The following AP1M1 variants were observed in gnomAD, a reference collection of about 807,000 sequenced individuals.
The protein encoded by AP1M1 is adaptor related protein complex 1 subunit mu 1.
A neutral mutation model predicts 57.1 loss-of-function variants in AP1M1; 18 were observed. That is an observed-to-expected ratio of 0.32 (90% confidence interval 0.22 to 0.47). The LOEUF (loss-of-function observed/expected upper bound fraction) is 0.47. Among genes scored for constraint, AP1M1 ranks in the 20% least tolerant of loss-of-function variants. The pLI, the probability that AP1M1 is intolerant of heterozygous loss-of-function variation, is 1.00. For missense variants in AP1M1, 362 were observed against 593.5 expected, an observed-to-expected ratio of 0.61 and a Z score of 4.05; for synonymous variants, 241 against 237.9, an observed-to-expected ratio of 1.01 and a Z score of -0.12.
intron 9 of AP1M1, among the ~76,000 whole-genome samples, chr19:16,230,203 C>T (rs999766848): frequency 1.3e-5 from 2 of 152,290 alleles, no homozygotes; most frequent in Admixed American, 6.5e-5. Context: ...CCAGATACTG[C>T]ATTTTTATTT....
At chr19:16,234,379 GA>G in intron 11 of AP1M1, 33 bp from the exon 12 acceptor site, 1 of 1,613,972 alleles carries the variant, frequency 6.2e-7, no homozygotes, top group Non-Finnish European at 8.5e-7. Flanking sequence ...GGAGGGTGCA[GA>G]GCCCAGCATG....
chr19:16,226,337 G>T, intron 5 of AP1M1, 84 bp from the exon 6 acceptor site: 5 of 1,468,976 alleles, frequency 3.4e-6, no homozygotes, highest in Non-Finnish European at 4.5e-6. Context: ...TGAGAGTGGG[G>T]TGGCCAGAGG....
Position 16,239,335 on chromosome 19 carries a change from G to T in AP1M1, c.*4900G>T, listed in dbSNP as rs1424194638. ...ACCTGTAGTCCCAACTACTTGGGAG[G>T]CTGAGGCTAGAGGATTACTTGAGCC... On this transcript the variant is annotated 3_prime_UTR_variant, in exon 12 of 12. Coordinates refer to ENST00000291439, the MANE Select transcript of AP1M1 (RefSeq NM_032493.4). 1 of 144,894 alleles carries T rather than the reference G, an allele frequency of 6.9e-6. No individual in the cohort carries two copies. The highest frequency in any genetic ancestry group is 7.1e-5 in the Admixed American group (1 of 14,094). The allele number at this position is 144,894 out of a possible 1,614,324, so 9.0% of individuals were successfully genotyped here. A position where few individuals can be genotyped will look rare whatever the true frequency, so the allele number is the denominator to read the frequency against.
At chr19:16,223,397 C>G (rs915805623) in intron 5 of AP1M1, among the ~76,000 whole-genome samples, 1 of 152,234 alleles carries the variant, frequency 6.6e-6, no homozygotes, top group Non-Finnish European at 1.5e-5. Context: ...CTTTCCTGAG[C>G]TTCTGGCTCT....
At position 16,228,065 on chromosome 19, in the gene AP1M1, TG is replaced by T; in HGVS notation, c.817-70del. 1 of 1,496,658 alleles carries T rather than the reference TG, an allele frequency of 6.7e-7. No homozygotes were observed. The highest frequency in any genetic ancestry group is 1.7e-5 in the Admixed American group (1 of 58,652). 92.7% of individuals were successfully genotyped at this position (1,496,658 alleles called of 1,614,324 possible). A position where few individuals can be genotyped will look rare whatever the true frequency, so the allele number is the denominator to read the frequency against. ...GCAGATGGTCCCTTGCCCTGGGCCTTGGTTTCCCCTCTGAAATGGGCCTTTG... is the reference window on the plus strand; with the variant it reads ...GCAGATGGTCCCTTGCCCTGGGCCTTGTTTCCCCTCTGAAATGGGCCTTTG... On this transcript the variant is annotated intron_variant, in intron 7 of 11. Coordinates refer to ENST00000291439, the MANE Select transcript of AP1M1 (RefSeq NM_032493.4). The surrounding 1 kb of genome is among the most constrained non-coding windows in gnomAD (Gnocchi z 5.0).
rs1485048080 is a variant in AP1M1 at position 16,228,696 on chromosome 19, G to A, written c.889-74G>A. ...GAGGATCCCCCGGGCCAGGCTGAGGGGCATGTGTCCTGGAGAGGCTGGCCA... is the reference window on the plus strand; with the variant it reads ...GAGGATCCCCCGGGCCAGGCTGAGGAGCATGTGTCCTGGAGAGGCTGGCCA... On this transcript the variant is annotated intron_variant, in intron 8 of 11. Coordinates refer to ENST00000291439, the MANE Select transcript of AP1M1 (RefSeq NM_032493.4). This position sits in a 1 kb window ranked among gnomAD's most constrained non-coding sequence, Gnocchi z 5.0. 1.9e-6 allele frequency: 3 copies of A among 1,566,398 alleles called. No individual in the cohort carries two copies. The highest frequency in any genetic ancestry group is 2.3e-5 in the East Asian group (1 of 44,178).
rs2091455835 is a variant in AP1M1, at chr19:16,203,219, C to A, written c.43-240C>A. 5.4e-6 allele frequency: 3 copies of A among 552,496 alleles called. No homozygotes were observed. Among genetic ancestry groups the A allele is most frequent in the Admixed American group, 6.2e-5 (2 of 32,248 alleles). The allele number at this position is 552,496 out of a possible 1,614,324, so 34.2% of individuals were successfully genotyped here. ...ACCTTTGCTGCAGAGTTCGCCTCTACCCTCACCCTGCGAAGAACTGCAGTG... is the reference window on the plus strand; with the variant it reads ...ACCTTTGCTGCAGAGTTCGCCTCTAACCTCACCCTGCGAAGAACTGCAGTG... On this transcript the variant is annotated intron_variant, in intron 1 of 11. Coordinates refer to ENST00000291439, the MANE Select transcript of AP1M1 (RefSeq NM_032493.4). This position sits in a 1 kb window ranked among gnomAD's most constrained non-coding sequence, Gnocchi z 4.6.
At position 16,207,908 on chromosome 19, in the gene AP1M1, C is replaced by G; in HGVS notation, c.268-111C>G. ...CACACCACCGAGCCTGGGAAGTAGG[C>G]TGTTGGTAGGACTTAGCGGGCAAAT... On this transcript the variant is annotated intron_variant, in intron 3 of 11. Coordinates refer to ENST00000291439, the MANE Select transcript of AP1M1 (RefSeq NM_032493.4). This position sits in a 1 kb window ranked among gnomAD's most constrained non-coding sequence, Gnocchi z 4.2. 1 of 1,375,436 alleles carries G rather than the reference C, an allele frequency of 7.3e-7. No homozygotes were observed. The highest frequency in any genetic ancestry group is 1.3e-5 in the South Asian group (1 of 74,528). 85.2% of individuals were successfully genotyped at this position (1,375,436 alleles called of 1,614,324 possible).
Position 16,203,148 on chromosome 19 carries a change from T to G in AP1M1, c.43-311T>G. 1 of 365,756 alleles carries G rather than the reference T, an allele frequency of 2.7e-6. No individual in the cohort carries two copies. The highest frequency in any genetic ancestry group is 5.1e-6 in the Non-Finnish European group (1 of 195,634). 22.7% of individuals were successfully genotyped at this position (365,756 alleles called of 1,614,324 possible). On this transcript the variant is annotated intron_variant, in intron 1 of 11. Transcript: ENST00000291439. The surrounding 1 kb of genome is among the most constrained non-coding windows in gnomAD (Gnocchi z 4.6). ...TCTGAGAAGGTCTGCATTGAGAGCT[T>G]GTGAGGCATTGCTTAACCTGATGTC...
In AP1M1 at chr19:16,243,322, T is replaced by C. The variant is rs1318854592; in HGVS notation, c.*8887T>C. On this transcript the variant is annotated 3_prime_UTR_variant, in exon 12 of 12. Coordinates refer to ENST00000291439, the MANE Select transcript of AP1M1 (RefSeq NM_032493.4). ...CTCTGTTGCCCAGGCTGGAGTGCAG[T>C]CAGTGGCACGATGTCAGCTCACTGC... 2 of 151,628 alleles carry C rather than the reference T, an allele frequency of 1.3e-5. No homozygotes were observed. Among genetic ancestry groups the C allele is most frequent in the African/African-American group, 2.4e-5 (1 of 41,320 alleles). 9.4% of individuals were successfully genotyped at this position (151,628 alleles called of 1,614,324 possible).
chr19:16,222,405 G>A (rs149037173), intron 5 of AP1M1, among the ~76,000 whole-genome samples: 12 of 150,644 alleles, frequency 8.0e-5, no homozygotes, highest in African/African-American at 2.4e-4. Flanking sequence ...TAGAGATGAG[G>A]GTCTCTCTGT....
chr19:16,236,736 C>G lies in AP1M1; in HGVS notation c.*2301C>G, dbSNP rs2091626322. ...TAATATCAATCTGGTTTGCAGACAA[C>G]CAGGCCAAGATGTTTATGACAGAAA... On this transcript the variant is annotated 3_prime_UTR_variant, in exon 12 of 12. Transcript: ENST00000291439. 6.6e-6 allele frequency: 1 copy of G among 152,230 alleles called. No individual in the cohort carries two copies. The highest frequency in any genetic ancestry group is 1.5e-5 in the Non-Finnish European group (1 of 68,048). 9.4% of individuals were successfully genotyped at this position (152,230 alleles called of 1,614,324 possible). A position where few individuals can be genotyped will look rare whatever the true frequency, so the allele number is the denominator to read the frequency against.
rs1367291857 is a variant in AP1M1, at chr19:16,219,109, GTTC to G, written c.547-7309_547-7307del. On this transcript the variant is annotated intron_variant, in intron 5 of 11. Coordinates refer to ENST00000291439, the MANE Select transcript of AP1M1 (RefSeq NM_032493.4). ...ATGCGTGGGTGTTGTATTTTCTTCA[GTTC>G]TTTTTCTGCATCAATTGATGTAATC... is the stretch of plus-strand genomic sequence containing the variant. Among the ~76,000 whole-genome samples, 12 of 148,380 alleles carry G rather than the reference GTTC, an allele frequency of 8.1e-5. No individual in the cohort carries two copies. The East Asian group carries it at 1.8e-3, about 22-fold the overall frequency.
intron 5 of AP1M1, among the ~76,000 whole-genome samples, chr19:16,218,180 G>A (rs55934698): frequency 0.11 from 16,648 of 152,272 alleles, 1,129 homozygotes; most frequent in East Asian, 0.32. Flanking sequence ...GGGTAGCCCC[G>A]CTCCATAGGG....
intron 5 of AP1M1, among the ~76,000 whole-genome samples, chr19:16,219,713 A>G (rs2091535072): frequency 6.6e-6 from 1 of 152,060 alleles, no homozygotes; most frequent in South Asian, 2.1e-4. Flanking sequence ...TTTATGTTTT[A>G]TATACACCTT....
intron 5 of AP1M1, among the ~76,000 whole-genome samples, chr19:16,211,119 G>C (rs1198485831): frequency 2.8e-5 from 4 of 140,498 alleles, no homozygotes; most frequent in African/African-American, 1.1e-4. Context: ...TTTTTCGACA[G>C]AGTCTCACTT....
chr19:16,227,968 C>T lies in AP1M1; in HGVS notation c.817-169C>T, dbSNP rs926059020. On this transcript the variant is annotated intron_variant, in intron 7 of 11. Transcript: ENST00000291439. This position sits in a 1 kb window ranked among gnomAD's most constrained non-coding sequence, Gnocchi z 6.2. ...GGCCTCCCCGGTAGCTCCCGGCTAC[C>T]TCGGCCTGTCTGCCCTGGCCCTCCC... 1.3e-5 allele frequency among the ~76,000 whole-genome samples: 2 copies of T among 152,250 alleles called. No individual in the cohort carries two copies. Among genetic ancestry groups the T allele is most frequent in the Admixed American group, 1.3e-4 (2 of 15,290 alleles).
rs764676248 is a variant in AP1M1 at position 16,228,247 on chromosome 19, GT to G, written c.888+40del. 1 of 1,605,018 alleles carries G rather than the reference GT, an allele frequency of 6.2e-7. No individual in the cohort carries two copies. The highest frequency in any genetic ancestry group is 2.2e-5 in the East Asian group (1 of 44,818). On this transcript the variant is annotated intron_variant, in intron 8 of 11. Coordinates refer to ENST00000291439, the MANE Select transcript of AP1M1 (RefSeq NM_032493.4). The surrounding 1 kb of genome is among the most constrained non-coding windows in gnomAD (Gnocchi z 5.0). Reference sequence around the variant, plus strand: ...GGCCACCCACTGAGGGCCTTCTGGTGTCTCTGGCCCGTCCCAGGAGCCTAAC... The same window carrying G: ...GGCCACCCACTGAGGGCCTTCTGGTGCTCTGGCCCGTCCCAGGAGCCTAAC...
intron 9 of AP1M1, among the ~76,000 whole-genome samples, chr19:16,230,838 G>C (rs1432722078): frequency 6.6e-6 from 1 of 152,114 alleles, no homozygotes; most frequent in African/African-American, 2.4e-5. Context: ...CCCATGCATA[G>C]AAAACAAAAT....
Sources: allele counts gnomAD v4.1 joint callset (sites outside exome capture counted in the v4.1 genomes callset), GRCh38; gene constraint gnomAD v4.1.1; non-coding constraint Gnocchi (gnomAD v3.1); transcripts MANE v1.5; gene names NCBI Gene and HGNC (gene_info 2026-07-23, HGNC 2026-07-21).